Variants in SVEP1 observed in about 807,000 individuals in gnomAD.
The protein encoded by SVEP1 is sushi, von Willebrand factor type A, EGF and pentraxin domain containing 1.
A neutral mutation model predicts 367.3 loss-of-function variants in SVEP1; 164 were observed. The observed-to-expected ratio is 0.45, with a 90% CI of 0.39 to 0.51. The LOEUF (loss-of-function observed/expected upper bound fraction) is 0.51. Among genes scored for constraint, SVEP1 ranks in the 20% least tolerant of loss-of-function variants. The pLI is 0.00. For missense variants in SVEP1, 4,117 were observed against 4,425.3 expected, an observed-to-expected ratio of 0.93 and a Z score of 1.98; for synonymous variants, 1,666 against 1,611.6, an observed-to-expected ratio of 1.03 and a Z score of -0.81.
rs1827974611 is a variant in SVEP1, at chr9:110,407,530, T to C, written c.8070A>G (p.Glu2690=). ...AGATCAGCACAGGGTTCCCCAGAAGTTCATATCCTGGATTACAGGTGTATG... is the reference window on the plus strand; with the variant it reads ...AGATCAGCACAGGGTTCCCCAGAAGCTCATATCCTGGATTACAGGTGTATG... ...MVSYTCNPGY[E]LLGNPVLICQ... Residue 2690 remains glutamate (E), a synonymous_variant, in exon 38 of 48, where the codon GAA becomes GAG. Transcript: ENST00000374469. 3 of 1,613,950 alleles carry C rather than the reference T, an allele frequency of 1.9e-6. No homozygotes were observed. The highest frequency in any genetic ancestry group is 2.5e-6 in the Non-Finnish European group (3 of 1,179,870).
chr9:110,549,372 G>A (rs7035395), intron 2 of SVEP1, among the ~76,000 whole-genome samples: 12,073 of 152,086 alleles, frequency 0.079, 511 homozygotes, highest in Middle Eastern at 0.099. Flanking sequence ...TTTTACATAA[G>A]CATATCTATC....
At chr9:110,396,526 C>T (rs955414363) in intron 40 of SVEP1, among the ~76,000 whole-genome samples, 3 of 151,912 alleles carry the variant, frequency 2.0e-5, no homozygotes, top group Non-Finnish European at 2.9e-5. Context: ...AATAGAGACA[C>T]AAAAAACTCT....
At chr9:110,471,277 T>C (rs1174250943) in intron 16 of SVEP1, 87 bp downstream of exon 16, 1 of 1,053,108 alleles carries the variant, frequency 9.5e-7, no homozygotes, top group Non-Finnish European at 1.4e-6. Flanking sequence ...TTCATTTCAA[T>C]ATCCCTTTAT....
At chr9:110,471,143 T>G (rs574182953) in intron 16 of SVEP1, among the ~76,000 whole-genome samples, 2 of 152,288 alleles carry the variant, frequency 1.3e-5, no homozygotes, top group African/African-American at 4.8e-5. Flanking sequence ...CTAAAGATCT[T>G]TAAATAAAAA....
chr9:110,560,109 T>A (rs146930209), intron 1 of SVEP1, among the ~76,000 whole-genome samples: 1 of 152,192 alleles, frequency 6.6e-6, no homozygotes, highest in Non-Finnish European at 1.5e-5. Context: ...CATAAGATTA[T>A]AATGCCATAT....
At chr9:110,422,583 C>G (rs1828176141) in intron 36 of SVEP1, among the ~76,000 whole-genome samples, 1 of 48,672 alleles carries the variant, frequency 2.1e-5, no homozygotes, top group South Asian at 1.1e-3. Flanking sequence ...GGATCTAGAA[C>G]TAGAAATACC....
intron 7 of SVEP1, 83 bp downstream of exon 7, chr9:110,498,958 T>G (rs1829490555): frequency 8.2e-7 from 1 of 1,215,354 alleles, no homozygotes; most frequent in Non-Finnish European, 1.1e-6. Flanking sequence ...CAGCAAAAGT[T>G]GCAAAGAAGG....
intron 37 of SVEP1, 78 bp from the exon 38 acceptor site, chr9:110,409,029 A>G: frequency 6.9e-7 from 1 of 1,457,364 alleles, no homozygotes; most frequent in South Asian, 1.5e-5. Context: ...GGATAGTGAA[A>G]AAAACTAAAA....
rs1454724700 is a variant in SVEP1 at position 110,407,948 on chromosome 9, C to G, written c.7652G>C (p.Cys2551Ser). 6.2e-7 allele frequency: 1 copy of G among 1,613,884 alleles called. No individual in the cohort carries two copies. The highest frequency in any genetic ancestry group is 2.2e-5 in the East Asian group (1 of 44,896). ...TGGGGAATCACAGTGGATGGCATTG[C>G]AAGATGGGGCATCTACATCCCAATC... Reference protein sequence around the residue: ...TGDWDVDAPSCNAIHCDSPQP... With the variant: ...TGDWDVDAPSSNAIHCDSPQP... The change falls in exon 38 of 48, where the codon TGC (cysteine) becomes TCC (serine). Residue 2551 changes from cysteine (C) to serine (S), a missense_variant. Coordinates refer to ENST00000374469, the MANE Select transcript of SVEP1 (RefSeq NM_153366.4).
intron 36 of SVEP1, 118 bp downstream of exon 36, chr9:110,427,473 C>G (rs1384912854): frequency 1.6e-6 from 2 of 1,231,538 alleles, no homozygotes; most frequent in Non-Finnish European, 2.3e-6. Context: ...GCATAAGGCT[C>G]TCTTTGTCTT....
intron 3 of SVEP1, among the ~76,000 whole-genome samples, chr9:110,526,004 T>G (rs1275975391): frequency 3.3e-5 from 5 of 152,134 alleles, no homozygotes; most frequent in African/African-American, 1.2e-4. Flanking sequence ...TAATTAACCT[T>G]GACCTAAATC....
Position 110,458,532 on chromosome 9 carries a change from T to G in SVEP1, c.3515A>C (p.Glu1172Ala). Residue 1172 changes from glutamate to alanine, a missense_variant, in exon 20 of 48, where the codon GAA becomes GCA. Physicochemically the swap from Glu to Ala is moderately radical, Grantham distance 107. This residue lies in a region of SVEP1 where 2,174 missense variants were observed against 2,494.3 expected (regional missense o/e 0.87). Transcript: ENST00000374469. ...SFSSTFSAAEESVVPPASLGH... is the reference protein window; with the variant it reads ...SFSSTFSAAEASVVPPASLGH... The stretch of plus-strand genomic sequence containing the variant: ...AAGAGAGGCAGGGGGCACCACACTT[T>G]CCTCTGCCGCTGAGAAAGTTGAACT... The G allele has an allele frequency of 6.2e-7, 1 of 1,612,716 alleles. No individual in the cohort carries two copies. The highest frequency in any genetic ancestry group is 1.3e-5 in the African/African-American group (1 of 75,000).
At position 110,406,872 on chromosome 9, in the gene SVEP1, T is replaced by A; in HGVS notation, c.8728A>T (p.Met2910Leu). The A allele has an allele frequency of 6.2e-7, 1 of 1,614,012 alleles. No homozygotes were observed. Among genetic ancestry groups the A allele is most frequent in the Non-Finnish European group, 8.5e-7 (1 of 1,179,896 alleles). The change falls in exon 38 of 48, where the codon ATG becomes TTG. Residue 2910 changes from methionine to leucine, a missense_variant. Transcript: ENST00000374469. ...TGACAGTGGAATGTTACTTCCTTCA[T>A]GAAGCCATAGTCCAGGCCTTCCGTC... is the stretch of plus-strand genomic sequence containing the variant. ...GVTEGLDYGF[M>L]KEVTFHCHEG...
Position 110,407,610 on chromosome 9 carries a change from T to C in SVEP1, c.7990A>G (p.Thr2664Ala), listed in dbSNP as rs1564133789. The change falls in exon 38 of 48, where the codon ACA becomes GCA. Residue 2664 changes from threonine to alanine, a missense_variant. This residue lies in a region of SVEP1 where 1,765 missense variants were observed against 1,781.1 expected (regional missense o/e 0.99). Transcript: ENST00000374469. ...GAATGTGTAGCAGGAGACTCCTTTG[T>C]ATTTTCCCAGGTTTTAGCCACTGCT... ...LGAVAKTWEN[T>A]KESPATHSSN... 6.2e-7 allele frequency: 1 copy of C among 1,614,014 alleles called. No homozygotes were observed.
At chr9:110,424,090 C>T (rs1275367067) in intron 36 of SVEP1, among the ~76,000 whole-genome samples, 1 of 152,200 alleles carries the variant, frequency 6.6e-6, no homozygotes, top group Non-Finnish European at 1.5e-5. Flanking sequence ...GCATTTGGTA[C>T]TATCTTGCAA....
chr9:110,405,513 C>T (rs1827941079), intron 38 of SVEP1, among the ~76,000 whole-genome samples: 1 of 151,252 alleles, frequency 6.6e-6, no homozygotes, highest in East Asian at 1.9e-4. Context: ...GACTCAGATA[C>T]TAGTAGGAAT....
chr9:110,569,155 C>T (rs1164184809), intron 1 of SVEP1, among the ~76,000 whole-genome samples: 6 of 151,398 alleles, frequency 4.0e-5, no homozygotes, highest in African/African-American at 7.3e-5. Flanking sequence ...TTGGCATTAG[C>T]AACTGGTACA....
intron 3 of SVEP1, among the ~76,000 whole-genome samples, chr9:110,532,407 G>A (rs892945705): frequency 6.6e-6 from 1 of 152,096 alleles, no homozygotes; most frequent in Non-Finnish European, 1.5e-5. Context: ...GCTGTAAATC[G>A]AGAAGGACTA....
intron 8 of SVEP1, among the ~76,000 whole-genome samples, chr9:110,494,665 G>T (rs2118736168): frequency 6.6e-6 from 1 of 152,246 alleles, no homozygotes; most frequent in African/African-American, 2.4e-5. Flanking sequence ...TTAGTACAAG[G>T]ATGTTCATGA....
Sources: allele counts gnomAD v4.1 joint callset (sites outside exome capture counted in the v4.1 genomes callset), GRCh38; gene constraint gnomAD v4.1.1; regional missense constraint gnomAD v4.1.1; transcripts MANE v1.5; gene names NCBI Gene and HGNC (gene_info 2026-07-23, HGNC 2026-07-21).